Variants in MID1 observed in about 807,000 individuals in gnomAD.
MID1 encodes the protein E3 ubiquitin-protein ligase Midline-1.
A neutral mutation model predicts 40.4 loss-of-function variants in MID1; 7 were observed. The ratio of observed to expected loss-of-function variants is 0.17; its 90% CI spans 0.10 to 0.33. The LOEUF is 0.33. Ranked by LOEUF, MID1 falls within the 10% of genes least tolerant of loss-of-function variation. The pLI is 1.00. For synonymous variants in MID1, 229 were observed against 221.2 expected (o/e 1.04, Z -0.31); for missense variants, 367 against 558.5 (o/e 0.66, Z 3.46).
At chrX:10,701,132 C>T (rs1569150160) in intron 1 of MID1, among the ~76,000 whole-genome samples, 1 of 111,836 alleles carries the variant, frequency 8.9e-6, no homozygotes, top group Non-Finnish European at 1.9e-5. Context: ...GCTGTTGATG[C>T]AAGCAAAGGT....
intron 1 of MID1, among the ~76,000 whole-genome samples, chrX:10,708,678 G>A (rs2043246628): frequency 9.0e-6 from 1 of 111,610 alleles, no homozygotes. Context: ...AAGCAACCTC[G>A]AGGGTGTATG....
At chrX:10,574,102 G>T (rs942432923) in intron 1 of MID1, among the ~76,000 whole-genome samples, 2 of 111,731 alleles carry the variant, frequency 1.8e-5, no homozygotes, top group African/African-American at 3.3e-5. Flanking sequence ...GAGCAAAGGG[G>T]ACTGACTGTT....
chrX:10,618,822 C>T (rs770319241), intron 1 of MID1, among the ~76,000 whole-genome samples: 6 of 111,809 alleles, frequency 5.4e-5, no homozygotes, highest in Non-Finnish European at 9.4e-5. Flanking sequence ...GGACAGGTGG[C>T]TCTGCACAGG....
At chrX:10,706,770 C>A (rs546963844) in intron 1 of MID1, among the ~76,000 whole-genome samples, 1 of 111,628 alleles carries the variant, frequency 9.0e-6, no homozygotes, top group Admixed American at 9.5e-5. Flanking sequence ...ACAACCACCA[C>A]CTCACAAAAA....
chrX:10,591,379 G>A (rs1055375307), intron 1 of MID1, among the ~76,000 whole-genome samples: 4 of 112,242 alleles, frequency 3.6e-5, no homozygotes, highest in African/African-American at 6.5e-5. Context: ...GCATAGTTCC[G>A]AACAATTCTG....
chrX:10,602,389 G>A (rs1935547344), intron 1 of MID1, among the ~76,000 whole-genome samples: 1 of 109,897 alleles, frequency 9.1e-6, no homozygotes, highest in Admixed American at 9.7e-5. Context: ...TATATTCAGA[G>A]TTTTGCAACC....
Position 10,449,662 on chromosome X carries a change from C to T in MID1, c.1710G>A (p.Lys570=), listed in dbSNP as rs771792465. ...GGCAGAGCGCCCAGGAAGCAGAGTT[C>T]TTCCCAATCCATTCATGCTTCGGGG... ...KSAPKHEWIG[K]NSASWALCRC... The change falls in exon 10 of 10, where the codon AAG becomes AAA. Residue 570 remains lysine (K), a synonymous_variant. Transcript: ENST00000317552. 1 of 1,211,791 alleles carries T rather than the reference C, an allele frequency of 8.3e-7. No homozygotes were observed. Among genetic ancestry groups the T allele is most frequent in the Admixed American group, 2.2e-5 (1 of 46,072 alleles).
intron 3 of MID1, among the ~76,000 whole-genome samples, chrX:10,504,926 A>C (rs1414051105): frequency 1.8e-5 from 2 of 111,712 alleles, no homozygotes; most frequent in Non-Finnish European, 3.8e-5. Flanking sequence ...ACTTACAAAA[A>C]CAGTCAGATT....
At chrX:10,637,901 C>T (rs1272023295) in intron 1 of MID1, among the ~76,000 whole-genome samples, 1 of 111,853 alleles carries the variant, frequency 8.9e-6, no homozygotes, top group African/African-American at 3.3e-5. Context: ...GAAAGGCATG[C>T]AGGAACTCTC....
intron 1 of MID1, among the ~76,000 whole-genome samples, chrX:10,581,613 G>A (rs1309357857): frequency 8.9e-6 from 1 of 112,007 alleles, no homozygotes; most frequent in African/African-American, 3.2e-5. Context: ...TTCATTATCT[G>A]TGTTTTTTAC....
intron 1 of MID1, among the ~76,000 whole-genome samples, chrX:10,574,476 C>T (rs1482986249): frequency 8.9e-6 from 1 of 111,902 alleles, no homozygotes; most frequent in Non-Finnish European, 1.9e-5. Flanking sequence ...TGTTTAACAC[C>T]ATCAGGTTTG....
intron 1 of MID1, among the ~76,000 whole-genome samples, chrX:10,789,358 A>C (rs1184123050): frequency 8.9e-6 from 1 of 112,628 alleles, no homozygotes; most frequent in African/African-American, 3.2e-5. Context: ...ATCATGCACC[A>C]CATAACAATG....
chrX:10,668,791 G>A (rs141442335), intron 1 of MID1, among the ~76,000 whole-genome samples: 2,718 of 112,471 alleles, frequency 0.024, 35 homozygotes, highest in African/African-American at 0.047. Flanking sequence ...CTTTGTATTG[G>A]TAAGTCATTG....
intron 1 of MID1, among the ~76,000 whole-genome samples, chrX:10,605,876 T>C (rs1935615870): frequency 9.0e-6 from 1 of 111,152 alleles, no homozygotes; most frequent in Non-Finnish European, 1.9e-5. Flanking sequence ...AAGGTGCACC[T>C]TCCTCTAGAA....
chrX:10,460,128 A>G, intron 7 of MID1: 1 of 330,942 alleles, frequency 3.0e-6, no homozygotes, highest in Non-Finnish European at 5.4e-6. Context: ...TGAGGCTGAA[A>G]TGACAATGTG....
intron 1 of MID1, among the ~76,000 whole-genome samples, chrX:10,672,725 G>A (rs1397716741): frequency 9.0e-6 from 1 of 110,835 alleles, no homozygotes; most frequent in East Asian, 2.8e-4. Flanking sequence ...TTTTGAGATG[G>A]GCAGGCTGGA....
chrX:10,462,228 A>G (rs769876825), intron 7 of MID1, among the ~76,000 whole-genome samples: 1 of 112,125 alleles, frequency 8.9e-6, no homozygotes, highest in East Asian at 2.8e-4. Context: ...GTTTAGGTTT[A>G]CCTTTATGTT....
chrX:10,542,749 G>A (rs1171816749), intron 2 of MID1, among the ~76,000 whole-genome samples: 1 of 111,843 alleles, frequency 8.9e-6, no homozygotes, highest in African/African-American at 3.2e-5. Context: ...TTGAATTGGA[G>A]TACACACTGA....
intron 1 of MID1, among the ~76,000 whole-genome samples, chrX:10,796,967 CTTATAG>C (rs1443293727): frequency 9.0e-6 from 1 of 111,239 alleles, no homozygotes; most frequent in Non-Finnish European, 1.9e-5. Context: ...TAATGAGTAT[CTTATAG>C]TTATAAGTCA....
Sources: allele counts gnomAD v4.1 joint callset (sites outside exome capture counted in the v4.1 genomes callset), GRCh38; gene constraint gnomAD v4.1.1; transcripts MANE v1.5; gene names NCBI Gene and HGNC (gene_info 2026-07-23, HGNC 2026-07-21).